Variants in DCK observed in about 807,000 individuals in gnomAD.
DCK encodes the protein deoxycytidine kinase, also known as deoxyadenosine kinase.
DCK carries 23 observed loss-of-function variants against 38.3 expected under a neutral mutation model. That is an observed-to-expected ratio of 0.60 (90% CI 0.43 to 0.85). The LOEUF (loss-of-function observed/expected upper bound fraction) is 0.85, where lower values mean the gene tolerates loss of function less well. DCK is among the 40% of genes least tolerant of loss of function. The probability of loss-of-function intolerance (pLI) is 0.00; values close to 1 mark genes in which losing one functional copy is unlikely to be tolerated. For synonymous variants in DCK, 108 were observed against 100.6 expected (o/e 1.07, Z -0.44); for missense variants, 259 against 304.4 (o/e 0.85, Z 1.11).
intron 2 of DCK, among the ~76,000 whole-genome samples, chr4:71,003,650 TC>T (rs1300508464): frequency 6.6e-6 from 1 of 152,208 alleles, no homozygotes; most frequent in African/African-American, 2.4e-5. Flanking sequence ...CTTTGTTTGT[TC>T]CTTTTCATTC....
intron 2 of DCK, among the ~76,000 whole-genome samples, chr4:71,004,816 G>A (rs1032724325): frequency 1.3e-5 from 2 of 152,184 alleles, no homozygotes; most frequent in African/African-American, 4.8e-5. Context: ...CCCCCACCAA[G>A]CTTCAGTGTC....
chr4:71,019,834 C>G (rs1043354875), intron 2 of DCK, among the ~76,000 whole-genome samples: 1 of 152,002 alleles, frequency 6.6e-6, no homozygotes, highest in Admixed American at 6.6e-5. Flanking sequence ...GTCACCCAGG[C>G]TGAAGTACAG....
At chr4:70,997,685 T>A (rs1267144943) in intron 1 of DCK, among the ~76,000 whole-genome samples, 2 of 152,016 alleles carry the variant, frequency 1.3e-5, no homozygotes, top group Non-Finnish European at 2.9e-5. Context: ...TATGTTCATC[T>A]GTGTGTGTGT....
intron 2 of DCK, among the ~76,000 whole-genome samples, chr4:71,016,958 C>G (rs1326397079): frequency 6.6e-6 from 1 of 152,186 alleles, no homozygotes; most frequent in Non-Finnish European, 1.5e-5. Flanking sequence ...TCAAGAGCTT[C>G]TGCACAGCAA....
intron 5 of DCK, 31 bp from the exon 6 acceptor site, chr4:71,026,634 G>T: frequency 9.7e-7 from 1 of 1,034,012 alleles, no homozygotes; most frequent in Middle Eastern, 2.2e-4. Context: ...TTGAATTTCT[G>T]ATTATTTTAT....
chr4:71,008,207 G>A (rs1739997001), intron 2 of DCK, among the ~76,000 whole-genome samples: 2 of 152,134 alleles, frequency 1.3e-5, no homozygotes, highest in African/African-American at 4.8e-5. Context: ...TGCTTATGAT[G>A]CCTGTTTTCC....
At chr4:71,023,783 G>A (rs978063021) in intron 4 of DCK, 77 bp downstream of exon 4, 11 of 1,379,956 alleles carry the variant, frequency 8.0e-6, no homozygotes, top group African/African-American at 1.5e-5. Flanking sequence ...ATATAATGAG[G>A]GCAATTTAGT....
intron 2 of DCK, among the ~76,000 whole-genome samples, chr4:71,006,866 A>G (rs2171194): frequency 1 from 152,107 of 152,290 alleles, 75,963 homozygotes; most frequent in Non-Finnish European, 1. Flanking sequence ...ATGTATGCTA[A>G]CAACTTACTT....
intron 1 of DCK, among the ~76,000 whole-genome samples, chr4:70,997,216 C>T (rs1304288747): frequency 6.6e-6 from 1 of 152,080 alleles, no homozygotes; most frequent in East Asian, 1.9e-4. Flanking sequence ...TATTTCTGAA[C>T]ATCATGTTCT....
At chr4:71,027,421 AT>A (rs1397673726) in intron 6 of DCK, among the ~76,000 whole-genome samples, 1 of 152,096 alleles carries the variant, frequency 6.6e-6, no homozygotes, top group Non-Finnish European at 1.5e-5. Context: ...TGGTGCCCAT[AT>A]TGATAAAGGG....
chr4:71,005,229 A>G (rs1051819331), intron 2 of DCK, among the ~76,000 whole-genome samples: 12 of 151,104 alleles, frequency 7.9e-5, no homozygotes, highest in Admixed American at 4.0e-4. Flanking sequence ...GAGTTCCCCC[A>G]CCCCTTTCAC....
At chr4:71,000,014 C>A (rs1437502457) in intron 2 of DCK, among the ~76,000 whole-genome samples, 1 of 152,112 alleles carries the variant, frequency 6.6e-6, no homozygotes, top group Non-Finnish European at 1.5e-5. Flanking sequence ...TGTGCAGAAG[C>A]TCCTTAGTTT....
chr4:71,018,197 A>G (rs1382879266), intron 2 of DCK, among the ~76,000 whole-genome samples: 2 of 148,678 alleles, frequency 1.3e-5, no homozygotes, highest in African/African-American at 2.5e-5. Flanking sequence ...CGCCATCTCA[A>G]CTTGCTGCAA....
chr4:70,997,567 T>C (rs536827419), intron 1 of DCK, among the ~76,000 whole-genome samples: 1 of 152,360 alleles, frequency 6.6e-6, no homozygotes, highest in South Asian at 2.1e-4. Context: ...TCTAATGTCC[T>C]AGATTTAAAT....
At chr4:71,027,149 T>C (rs756628002) in intron 6 of DCK, among the ~76,000 whole-genome samples, 3 of 152,140 alleles carry the variant, frequency 2.0e-5, no homozygotes, top group Admixed American at 6.5e-5. Flanking sequence ...AATCTTTAGA[T>C]ACTTTAATAA....
intron 2 of DCK, among the ~76,000 whole-genome samples, chr4:71,016,806 G>A (rs949803671): frequency 6.6e-6 from 1 of 152,152 alleles, no homozygotes; most frequent in East Asian, 1.9e-4. Context: ...AGACTTAAAT[G>A]TTAGACCTAA....
chr4:71,015,463 T>G (rs1740236657), intron 2 of DCK, among the ~76,000 whole-genome samples: 1 of 152,206 alleles, frequency 6.6e-6, no homozygotes, highest in Admixed American at 6.5e-5. Context: ...TACCAAAGCC[T>G]GGCAGAGACA....
intron 2 of DCK, among the ~76,000 whole-genome samples, chr4:71,015,045 C>A (rs1285502298): frequency 6.6e-6 from 1 of 152,028 alleles, no homozygotes; most frequent in Non-Finnish European, 1.5e-5. Context: ...AAGAAGAAAA[C>A]AGAGAAGAAT....
At chr4:71,007,143 A>T (rs1001767739) in intron 2 of DCK, among the ~76,000 whole-genome samples, 1 of 152,194 alleles carries the variant, frequency 6.6e-6, no homozygotes, top group African/African-American at 2.4e-5. Context: ...GATATCCAGG[A>T]CTAAATCTTA....
Sources: gnomAD v4.1 joint callset for allele counts (sites outside exome capture counted in the v4.1 genomes callset) on GRCh38, gnomAD v4.1.1 for gene constraint, MANE v1.5 for transcripts, NCBI Gene and HGNC (gene_info 2026-07-23, HGNC 2026-07-21) for gene names.